The following MGST1 variants were observed in gnomAD, a reference collection of about 807,000 sequenced individuals.
MGST1 encodes microsomal glutathione S-transferase 1, also known as glutathione S-transferase 12.
MGST1 carries 5 observed loss-of-function variants against 8.9 expected under a neutral mutation model. The observed-to-expected ratio is 0.56, with a 90% CI of 0.29 to 1.19. The LOEUF is 1.19. MGST1 is among the 50% of genes most tolerant of loss of function. The pLI is 0.08. For missense variants in MGST1, 182 were observed against 187.4 expected (o/e 0.97, Z 0.17); for synonymous variants, 54 against 67.8 (o/e 0.80, Z 1.00).
At chr12:16,579,782 A>G (rs902661169) in intron 4 of MGST1, among the ~76,000 whole-genome samples, 1 of 152,216 alleles carries the variant, frequency 6.6e-6, no homozygotes, top group East Asian at 1.9e-4. Flanking sequence ...GGCCGAGTGA[A>G]TGCGATACTT....
chr12:16,542,514 A>G (rs973363533), intron 4 of MGST1, among the ~76,000 whole-genome samples: 6 of 152,168 alleles, frequency 3.9e-5, no homozygotes, highest in Non-Finnish European at 7.4e-5. Context: ...CATTAGCTAT[A>G]ATAATTTAGG....
intron 4 of MGST1, among the ~76,000 whole-genome samples, chr12:16,483,385 A>G (rs2137147481): frequency 6.6e-6 from 1 of 152,154 alleles, no homozygotes; most frequent in East Asian, 1.9e-4. Flanking sequence ...ATATATATTA[A>G]TAAAACATGC....
intron 4 of MGST1, among the ~76,000 whole-genome samples, chr12:16,472,428 C>G (rs886099469): frequency 1.3e-5 from 2 of 149,092 alleles, no homozygotes; most frequent in African/African-American, 2.5e-5. Context: ...TAGGGCCTTC[C>G]TTCTGTTTTT....
intron 4 of MGST1, among the ~76,000 whole-genome samples, chr12:16,448,032 G>A (rs1302509538): frequency 6.6e-6 from 1 of 151,772 alleles, no homozygotes; most frequent in African/African-American, 2.4e-5. Context: ...TATGGTAGTA[G>A]TTGAAAGACA....
intron 1 of MGST1, chr12:16,400,130 G>T (rs1940641787): frequency 1.3e-6 from 2 of 1,494,372 alleles, no homozygotes; most frequent in Non-Finnish European, 9.3e-7. Flanking sequence ...CGTTCCATCT[G>T]CTCAGCATAG....
rs561570007 is a variant in MGST1, at chr12:16,501,389, A to G, written n.483-88139A>G. Among the ~76,000 whole-genome samples, 3 of 152,328 alleles carry G rather than the reference A, an allele frequency of 2.0e-5. No individual in the cohort carries two copies. The South Asian group carries it at 6.2e-4, about 32-fold the overall frequency. ...TCTGAACAGATTCTCGTTACATAAAACCGCACACACAGTGTGGCAAAGATA... is the reference window on the plus strand; with the variant it reads ...TCTGAACAGATTCTCGTTACATAAAGCCGCACACACAGTGTGGCAAAGATA... On this transcript the variant is annotated intron_variant and non_coding_transcript_variant, in intron 4 of 4. Transcript: ENST00000538857.
chr12:16,432,712 AC>A (rs1940949198), intron 1 of MGST1, among the ~76,000 whole-genome samples: 1 of 147,810 alleles, frequency 6.8e-6, no homozygotes, highest in African/African-American at 2.5e-5. Context: ...ACACACACAC[AC>A]ACACACACAC....
Position 16,515,319 on chromosome 12 carries a change from G to A in MGST1, n.483-74209G>A, listed in dbSNP as rs1157325724. On this transcript the variant is annotated intron_variant and non_coding_transcript_variant, in intron 4 of 4. Transcript: ENST00000538857. Reference sequence around the variant, plus strand: ...ATGTAAATTTTTATCCCATTCTACCGCATGATTGACCATCAACCCCATCCT... The same window carrying A: ...ATGTAAATTTTTATCCCATTCTACCACATGATTGACCATCAACCCCATCCT... Among the ~76,000 whole-genome samples the A allele has an allele frequency of 3.3e-5, 5 of 152,102 alleles. 1 individual carries two copies. Among genetic ancestry groups the A allele is most frequent in the South Asian group, 4.2e-4 (2 of 4,814 alleles).
At chr12:16,504,960 TA>T in intron 4 of MGST1, among the ~76,000 whole-genome samples, 1 of 152,254 alleles carries the variant, frequency 6.6e-6, no homozygotes, top group Non-Finnish European at 1.5e-5. Context: ...TACCAGTTGT[TA>T]AATTTAATGG....
At position 16,384,085 on chromosome 12, in the gene MGST1, A is replaced by G. The variant is rs1565444395; in HGVS notation, n.778+481A>G. Among the ~76,000 whole-genome samples the G allele has an allele frequency of 2.0e-5, 3 of 152,272 alleles. No individual in the cohort carries two copies. The South Asian group carries it at 6.2e-4, about 32-fold the overall frequency. On this transcript the variant is annotated intron_variant and non_coding_transcript_variant, in intron 1 of 1. Coordinates refer to the MGST1 transcript ENST00000359720. ...GACAAAAAGTAGAAATTCCTCTGGT[A>G]CAAAAAGAGGGGGTTCAGAGAGAAT...
At chr12:16,510,262 GGGAAGAAGGGAAA>G (rs1365737598) in intron 4 of MGST1, among the ~76,000 whole-genome samples, 3 of 152,042 alleles carry the variant, frequency 2.0e-5, no homozygotes, top group African/African-American at 4.8e-5. Flanking sequence ...GGAGGAGGTG[GGGAAGAAGGGAAA>G]GGAAGAAGGG....
rs748469865 is a variant in MGST1, at chr12:16,354,256, G to A, written c.4G>A (p.Val2Ile). M[V>I]DLTQVMDDEV... Reference sequence around the variant, plus strand: ...ATTCCAGACCAAAATTGAAAAAATGGTTGACCTCACCCAGGTAATGGATGA... The same window carrying A: ...ATTCCAGACCAAAATTGAAAAAATGATTGACCTCACCCAGGTAATGGATGA... The change falls in exon 2 of 4, where the codon GTT becomes ATT. Residue 2 changes from valine to isoleucine, a missense_variant. By Grantham distance (29) the Val-to-Ile change is conservative. Coordinates refer to ENST00000396210, the MANE Select transcript of MGST1 (RefSeq NM_020300.5). 1.3e-6 allele frequency: 2 copies of A among 1,575,742 alleles called. No homozygotes were observed. The highest frequency in any genetic ancestry group is 1.7e-6 in the Non-Finnish European group (2 of 1,166,412).
At chr12:16,402,345 C>T in intron 1 of MGST1, 1 of 1,601,376 alleles carries the variant, frequency 6.2e-7, no homozygotes, top group South Asian at 1.1e-5. Context: ...GCATACTCAT[C>T]TTCTCCTTTC....
intron 4 of MGST1, among the ~76,000 whole-genome samples, chr12:16,540,701 CAGGAGGATCACTTGAGGCCAGG>C (rs1373905055): frequency 2.0e-5 from 3 of 152,124 alleles, no homozygotes; most frequent in Non-Finnish European, 4.4e-5. Context: ...GAGGCTGAGG[CAGGAGGATCACTTGAGGCCAGG>C]AGTTCCAGAC....
rs1462909580 is a variant in MGST1 at position 16,585,601 on chromosome 12, C to T, written n.483-3927C>T. ...CTGAGCATCTCTCATGCATCAGGCC[C>T]TATGTTCCCACCTGTATTTTCTTTC... On this transcript the variant is annotated intron_variant and non_coding_transcript_variant, in intron 4 of 4. Transcript: ENST00000538857. This position sits in a 1 kb window ranked among gnomAD's most constrained non-coding sequence, Gnocchi z 4.7. Among the ~76,000 whole-genome samples the T allele has an allele frequency of 6.6e-6, 1 of 152,158 alleles. No homozygotes were observed. Among genetic ancestry groups the T allele is most frequent in the Non-Finnish European group, 1.5e-5 (1 of 68,036 alleles).
intron 4 of MGST1, chr12:16,551,366 T>C (rs751849945): frequency 2.6e-5 from 30 of 1,170,860 alleles, no homozygotes; most frequent in Admixed American, 5.1e-5. Context: ...GTTAAGACCA[T>C]TTCACTTGGA....
chr12:16,401,623 A>G lies in MGST1; in HGVS notation n.778+18019A>G, dbSNP rs2137063215. The G allele has an allele frequency of 3.2e-6, 5 of 1,570,900 alleles. No individual in the cohort carries two copies. The South Asian group carries it at 3.3e-5, about 10-fold the overall frequency. On this transcript the variant is annotated intron_variant and non_coding_transcript_variant, in intron 1 of 1. Coordinates refer to the MGST1 transcript ENST00000359720. The surrounding 1 kb of genome is among the most constrained non-coding windows in gnomAD (Gnocchi z 4.3). ...ATGGCACAAGTGATAGCCCCAAAAT[A>G]CATGTGATTCTTGTCACTCACCACA...
intron 4 of MGST1, among the ~76,000 whole-genome samples, chr12:16,532,664 A>G (rs560976627): frequency 1.2e-3 from 180 of 152,300 alleles, no homozygotes; most frequent in African/African-American, 4.1e-3. Flanking sequence ...GTTCGTCTCT[A>G]TCCCAGGTTT....
At chr12:16,507,997 T>C (rs1941550922) in intron 4 of MGST1, among the ~76,000 whole-genome samples, 1 of 152,156 alleles carries the variant, frequency 6.6e-6, no homozygotes. Context: ...TTTCCTTGAG[T>C]TCAGCATGCT....
Sources: allele counts gnomAD v4.1 joint callset (sites outside exome capture counted in the v4.1 genomes callset), GRCh38; gene constraint gnomAD v4.1.1; non-coding constraint Gnocchi (gnomAD v3.1); transcripts MANE v1.5; gene names NCBI Gene and HGNC (gene_info 2026-07-23, HGNC 2026-07-21).